Variants in KRTAP13-4 observed in about 807,000 individuals in gnomAD.
KRTAP13-4 encodes keratin associated protein 13-4.
For synonymous variants in KRTAP13-4, 80 were observed against 77.2 expected (o/e 1.04, Z -0.19); for missense variants, 198 against 189.6 (o/e 1.04, Z -0.26).
the KRTAP13-4 span, chr21:30,430,298 GA>G: frequency 1.2e-6 from 2 of 1,611,466 alleles, no homozygotes; most frequent in Non-Finnish European, 1.7e-6. Flanking sequence ...TGCTGCTCTA[GA>G]AACTTCTCCT....
exon 1 of KRTAP13-4, chr21:30,430,581 C>T (rs748122866): frequency 1.1e-5 from 17 of 1,614,210 alleles, no homozygotes; most frequent in Non-Finnish European, 1.4e-5. Flanking sequence ...CTAGGTGCTG[C>T]TACTCGCTGG....
At position 30,430,793 on chromosome 21, in the gene KRTAP13-4, C is replaced by A. The variant is rs778504497; in HGVS notation, c.*35C>A. The stretch of plus-strand genomic sequence containing the variant: ...TCCTTTTGAGTATTGGGATCAAAGT[C>A]TCTACTGAATGCAGCCATTATTTTC... On this transcript the variant is annotated 3_prime_UTR_variant, in exon 1 of 1. Coordinates refer to ENST00000334068, the Ensembl canonical transcript of KRTAP13-4. 9.6e-6 allele frequency: 15 copies of A among 1,561,424 alleles called. No individual in the cohort carries two copies. In the African/African-American group the frequency reaches 1.6e-4, roughly 17 times the overall value.
exon 1 of KRTAP13-4, chr21:30,430,401 G>T: frequency 6.2e-7 from 1 of 1,614,172 alleles, no homozygotes; most frequent in Non-Finnish European, 8.5e-7. Flanking sequence ...GCACCTGCCA[G>T]CTGCGTTCCT....
exon 1 of KRTAP13-4, chr21:30,430,274 G>C (rs147061371): frequency 1.1e-5 from 17 of 1,597,056 alleles, no homozygotes; most frequent in Non-Finnish European, 1.5e-5. Flanking sequence ...TCTCTCATCA[G>C]CATGTCCTAC....
exon 1 of KRTAP13-4, chr21:30,430,528 C>G: frequency 6.2e-7 from 1 of 1,614,226 alleles, no homozygotes; most frequent in Non-Finnish European, 8.5e-7. Context: ...CTCTGGATCT[C>G]TAGGCTTTCG....
rs752821896 is a variant in KRTAP13-4 at position 30,430,430 on chromosome 21, A to G, written c.155A>G (p.Gln52Arg). ...CGTTCCTCTCTCTACAGGGACTGTCAGAAGACCTGCTGGGAGCCCGCCAGC... is the reference window on the plus strand; with the variant it reads ...CGTTCCTCTCTCTACAGGGACTGTCGGAAGACCTGCTGGGAGCCCGCCAGC... The change falls in exon 1 of 1, where the codon CAG becomes CGG. Residue 52 changes from glutamine (Q) to arginine (R), a missense_variant. Physicochemically the swap from Gln to Arg is conservative, Grantham distance 43. Coordinates refer to ENST00000334068, the Ensembl canonical transcript of KRTAP13-4. 16 of 1,613,974 alleles carry G rather than the reference A, an allele frequency of 9.9e-6. No individual in the cohort carries two copies. The highest frequency in any genetic ancestry group is 1.2e-5 in the Non-Finnish European group (14 of 1,179,980).
exon 1 of KRTAP13-4, chr21:30,430,767 A>G: frequency 6.3e-7 from 1 of 1,596,634 alleles, no homozygotes; most frequent in Non-Finnish European, 8.5e-7. Context: ...AAATTTCTAG[A>G]TCCTTTTGAG....
chr21:30,430,398 C>T, exon 1 of KRTAP13-4: 2 of 1,614,206 alleles, frequency 1.2e-6, no homozygotes, highest in African/African-American at 1.3e-5. Context: ...CCAGCACCTG[C>T]CAGCTGCGTT....
exon 1 of KRTAP13-4, chr21:30,430,392 C>T: frequency 6.2e-7 from 1 of 1,614,224 alleles, no homozygotes; most frequent in South Asian, 1.1e-5. Flanking sequence ...GCTCTCCCAG[C>T]ACCTGCCAGC....
exon 1 of KRTAP13-4, chr21:30,430,582 T>C: frequency 6.2e-7 from 1 of 1,614,184 alleles, no homozygotes; most frequent in Non-Finnish European, 8.5e-7. Context: ...TAGGTGCTGC[T>C]ACTCGCTGGG....
At chr21:30,430,792 T>G in exon 1 of KRTAP13-4, 1 of 1,562,802 alleles carries the variant, frequency 6.4e-7, no homozygotes, top group East Asian at 2.3e-5. Context: ...GGGATCAAAG[T>G]CTCTACTGAA....
exon 1 of KRTAP13-4, chr21:30,430,570 T>A (rs994058989): frequency 1.2e-6 from 2 of 1,614,062 alleles, no homozygotes; most frequent in African/African-American, 1.3e-5. Context: ...GGGCTATGGA[T>A]CTAGGTGCTG....
exon 1 of KRTAP13-4, chr21:30,430,299 A>G (rs1418564995): frequency 6.2e-7 from 1 of 1,611,522 alleles, no homozygotes; most frequent in Non-Finnish European, 8.5e-7. Context: ...GCTGCTCTAG[A>G]AACTTCTCCT....
chr21:30,430,700 GGCAGTCTTC>G (rs1177584584), exon 1 of KRTAP13-4: 5 of 1,614,162 alleles, frequency 3.1e-6, no homozygotes, highest in Non-Finnish European at 4.2e-6. Flanking sequence ...TCTGGAGCCT[GGCAGTCTTC>G]TTGTTACAGA....
At chr21:30,430,485 CTCCA>C in the KRTAP13-4 span, 15 of 1,614,006 alleles carry the variant, frequency 9.3e-6, no homozygotes, top group East Asian at 3.3e-4. Context: ...GCCCCAGGAC[CTCCA>C]TCCTCTGCTG....
chr21:30,430,359 C>T (rs997462117), exon 1 of KRTAP13-4: 5 of 1,613,988 alleles, frequency 3.1e-6, no homozygotes, highest in African/African-American at 1.3e-5. Flanking sequence ...ACCCCAGCAG[C>T]CTGGTCTACA....
the KRTAP13-4 span, chr21:30,430,626 T>A: frequency 6.2e-7 from 1 of 1,614,192 alleles, no homozygotes; most frequent in African/African-American, 1.3e-5. Context: ...TCCTGAAATA[T>A]GGAGGCTGTG....
exon 1 of KRTAP13-4, chr21:30,430,750 A>G (rs775258922): frequency 8.7e-6 from 14 of 1,604,370 alleles, no homozygotes; most frequent in Non-Finnish European, 1.1e-5. Flanking sequence ...CTATCAATTC[A>G]CCTGCTAAAT....
exon 1 of KRTAP13-4, chr21:30,430,888 A>G: frequency 1.9e-6 from 2 of 1,032,700 alleles, no homozygotes; most frequent in Non-Finnish European, 2.9e-6. Flanking sequence ...CTTCTGGCAG[A>G]CTGCGAAATT....
Sources: allele counts gnomAD v4.1 joint callset, GRCh38; gene constraint gnomAD v4.1.1; transcripts MANE v1.5; gene names NCBI Gene and HGNC (gene_info 2026-07-23, HGNC 2026-07-21).